Variants in STPG2 observed in about 807,000 individuals in gnomAD.
STPG2 encodes sperm-tail PG-rich repeat-containing protein 2.
In STPG2, 56 loss-of-function variants were observed where a neutral mutation model predicts 54.2. That is an observed-to-expected ratio of 1.03 (90% CI 0.83 to 1.29). STPG2 has a LOEUF of 1.29. Ranked by LOEUF, STPG2 falls within the 50% of genes most tolerant of loss-of-function variation. STPG2 has a pLI of 0.00. For synonymous variants in STPG2, 200 were observed against 181.8 expected, an observed-to-expected ratio of 1.10 and a Z score of -0.81; for missense variants, 596 against 544.9, an observed-to-expected ratio of 1.09 and a Z score of -0.93.
intron 9 of STPG2, among the ~76,000 whole-genome samples, chr4:97,768,051 C>A (rs1005041421): frequency 4.0e-5 from 6 of 151,774 alleles, no homozygotes; most frequent in Non-Finnish European, 8.8e-5. Context: ...TCTGTAGTCC[C>A]AGTTACTCGG....
chr4:97,857,127 C>T (rs1578627471), intron 8 of STPG2, among the ~76,000 whole-genome samples: 2 of 151,978 alleles, frequency 1.3e-5, no homozygotes, highest in Admixed American at 1.3e-4. Context: ...TTCTTTTTCT[C>T]TTGTATCTCT....
intron 1 of STPG2, among the ~76,000 whole-genome samples, chr4:98,139,842 C>T (rs6532724): frequency 0.4 from 60,185 of 152,024 alleles, 12,161 homozygotes; most frequent in Middle Eastern, 0.46. Flanking sequence ...TTTTAAATTA[C>T]GCTATATGTG....
At chr4:97,597,974 T>C (rs1310771051) in intron 10 of STPG2, among the ~76,000 whole-genome samples, 1 of 151,978 alleles carries the variant, frequency 6.6e-6, no homozygotes, top group Non-Finnish European at 1.5e-5. Context: ...ATTCTATACC[T>C]AGAAAATCAA....
chr4:97,441,369 A>G (rs1345890732), intron 4 of STPG2: 1 of 152,028 alleles, frequency 6.6e-6, no homozygotes, highest in Non-Finnish European at 1.5e-5. Flanking sequence ...CATTTTCTGA[A>G]AAAAACAAAT....
chr4:97,511,864 T>A (rs1298769582), intron 4 of STPG2, among the ~76,000 whole-genome samples: 2 of 151,950 alleles, frequency 1.3e-5, no homozygotes, highest in East Asian at 3.9e-4. Context: ...AGAAAAAAAA[T>A]TCCTAGTGTA....
chr4:98,013,325 G>A (rs1735817074), intron 5 of STPG2, among the ~76,000 whole-genome samples: 1 of 152,300 alleles, frequency 6.6e-6, no homozygotes, highest in Non-Finnish European at 1.5e-5. Context: ...TAAGCTTTTT[G>A]ATGTGCTGCT....
intron 9 of STPG2, among the ~76,000 whole-genome samples, chr4:97,803,537 C>T (rs1165649898): frequency 6.6e-6 from 1 of 152,098 alleles, no homozygotes; most frequent in Admixed American, 6.6e-5. Flanking sequence ...CTACAGGAGA[C>T]TTCCCAAGTT....
intron 9 of STPG2, among the ~76,000 whole-genome samples, chr4:97,814,544 A>G (rs1437854831): frequency 2.6e-5 from 4 of 152,036 alleles, no homozygotes; most frequent in East Asian, 1.9e-4. Context: ...CTAAATGGTC[A>G]GTGTGATGGT....
intron 4 of STPG2, among the ~76,000 whole-genome samples, chr4:97,490,688 A>C (rs768902525): frequency 3.3e-5 from 5 of 151,622 alleles, no homozygotes; most frequent in Non-Finnish European, 7.4e-5. Context: ...CCAAATAGGC[A>C]ACATATGCAG....
intron 10 of STPG2, among the ~76,000 whole-genome samples, chr4:97,588,468 A>G (rs570884840): frequency 4.6e-5 from 7 of 152,200 alleles, no homozygotes; most frequent in Admixed American, 6.6e-5. Context: ...ACCAAAATGT[A>G]CAAATCAATA....
chr4:97,884,170 G>A (rs1730477395), intron 8 of STPG2, among the ~76,000 whole-genome samples: 1 of 152,160 alleles, frequency 6.6e-6, no homozygotes, highest in South Asian at 2.1e-4. Context: ...ACATTCACGG[G>A]TAATTGCAAG....
At chr4:97,460,331 C>G (rs907508089) in intron 4 of STPG2, among the ~76,000 whole-genome samples, 17 of 151,594 alleles carry the variant, frequency 1.1e-4, no homozygotes, top group African/African-American at 3.9e-4. Context: ...TTGTATTTTG[C>G]TTTGGTTCTT....
At chr4:97,544,863 T>G (rs1333094508) in intron 4 of STPG2, among the ~76,000 whole-genome samples, 1 of 152,106 alleles carries the variant, frequency 6.6e-6, no homozygotes, top group Non-Finnish European at 1.5e-5. Flanking sequence ...CATAGATATT[T>G]CAAAGTCTAA....
chr4:97,465,046 A>G (rs1729755748), intron 4 of STPG2, among the ~76,000 whole-genome samples: 1 of 152,100 alleles, frequency 6.6e-6, no homozygotes. Context: ...CTTGAAGGAA[A>G]CTTTCCAGGA....
chr4:97,456,624 G>A (rs972601100), intron 4 of STPG2, among the ~76,000 whole-genome samples: 30 of 152,056 alleles, frequency 2.0e-4, no homozygotes, highest in Admixed American at 1.2e-3. Context: ...GGCCGGGAGC[G>A]GTGGCTTATG....
At chr4:97,927,577 C>T (rs114756738) in intron 8 of STPG2, among the ~76,000 whole-genome samples, 2,770 of 151,900 alleles carry the variant, frequency 0.018, 77 homozygotes, top group African/African-American at 0.064. Context: ...TAATAACATC[C>T]GAGATCTTTA....
chr4:98,002,360 C>T (rs1028228836), intron 5 of STPG2, among the ~76,000 whole-genome samples: 2 of 152,000 alleles, frequency 1.3e-5, no homozygotes, highest in African/African-American at 4.8e-5. Context: ...TGTTATAAAA[C>T]ATAATACCTA....
chr4:98,069,944 G>A (rs1373743316), intron 5 of STPG2, among the ~76,000 whole-genome samples: 1 of 151,820 alleles, frequency 6.6e-6, no homozygotes, highest in Non-Finnish European at 1.5e-5. Flanking sequence ...GATATAAAAC[G>A]AGAGTCAGAG....
intron 5 of STPG2, among the ~76,000 whole-genome samples, chr4:98,022,652 C>T (rs1736259454): frequency 6.6e-6 from 1 of 152,116 alleles, no homozygotes; most frequent in East Asian, 1.9e-4. Flanking sequence ...CTTTCAGGTA[C>T]ATCAATCAGA....
Sources: gnomAD v4.1 joint callset for allele counts (sites outside exome capture counted in the v4.1 genomes callset) on GRCh38, gnomAD v4.1.1 for gene constraint, MANE v1.5 for transcripts, NCBI Gene and HGNC (gene_info 2026-07-23, HGNC 2026-07-21) for gene names.